Variants in KCTD3 observed in about 807,000 individuals in gnomAD.
KCTD3 encodes potassium channel tetramerization domain containing 3.
KCTD3 carries 41 observed loss-of-function variants against 85.8 expected under a neutral mutation model. That is an observed-to-expected ratio of 0.48 (90% confidence interval 0.37 to 0.62). KCTD3 has a LOEUF of 0.62. Among genes scored for constraint, KCTD3 ranks in the 20% least tolerant of loss-of-function variants. KCTD3 has a pLI of 0.00. For missense variants in KCTD3, 724 were observed against 989.9 expected, an observed-to-expected ratio of 0.73 and a Z score of 3.60; for synonymous variants, 338 against 345.4, an observed-to-expected ratio of 0.98 and a Z score of 0.24.
chr1:215,610,684 A>G (rs541964086), intron 14 of KCTD3, among the ~76,000 whole-genome samples: 9 of 152,002 alleles, frequency 5.9e-5, no homozygotes, highest in Non-Finnish European at 1.0e-4. Flanking sequence ...TAATATACTG[A>G]AGAGCCAGAC....
intron 15 of KCTD3, among the ~76,000 whole-genome samples, chr1:215,614,032 T>TTTG (rs1558245484): frequency 1.5e-5 from 2 of 137,774 alleles, no homozygotes; most frequent in African/African-American, 5.6e-5. Context: ...TTTTTTTTTT[T>TTTG]TTTTTTTTTT....
intron 12 of KCTD3, 109 bp from the exon 13 acceptor site, chr1:215,604,023 T>C: frequency 1.3e-6 from 1 of 775,304 alleles, no homozygotes; most frequent in Admixed American, 2.9e-5. Flanking sequence ...GGGGCTGATA[T>C]AAACAGTGAA....
chr1:215,583,580 A>C (rs1362744467), intron 8 of KCTD3, among the ~76,000 whole-genome samples: 1 of 152,104 alleles, frequency 6.6e-6, no homozygotes, highest in Non-Finnish European at 1.5e-5. Context: ...AAGAATGCCT[A>C]ACCTCCTGGG....
chr1:215,574,219 A>G, intron 3 of KCTD3, 101 bp downstream of exon 3: 2 of 655,664 alleles, frequency 3.1e-6, no homozygotes, highest in South Asian at 3.0e-5. Context: ...TGATATTTTA[A>G]TAATCACTGA....
intron 9 of KCTD3, among the ~76,000 whole-genome samples, chr1:215,590,840 A>G (rs1354677388): frequency 6.6e-6 from 1 of 152,142 alleles, no homozygotes; most frequent in Non-Finnish European, 1.5e-5. Flanking sequence ...TCACATGTCT[A>G]GAGAGTTTTG....
chr1:215,574,192 T>C, intron 3 of KCTD3, 74 bp downstream of exon 3: 1 of 841,682 alleles, frequency 1.2e-6, no homozygotes, highest in Non-Finnish European at 1.9e-6. Flanking sequence ...ATAGTTACTC[T>C]AAGAATATAG....
intron 10 of KCTD3, 33 bp from the exon 11 acceptor site, chr1:215,601,834 A>C (rs113220069): frequency 8.4e-7 from 1 of 1,193,284 alleles, no homozygotes; most frequent in African/African-American, 1.5e-5. Flanking sequence ...TATAATTACT[A>C]TCTAACATCT....
intron 4 of KCTD3, 111 bp downstream of exon 4, chr1:215,576,085 C>T: frequency 3.1e-6 from 2 of 650,864 alleles, no homozygotes; most frequent in Non-Finnish European, 2.6e-6. Flanking sequence ...CCTTGAGTTG[C>T]AGTCTTGCTC....
chr1:215,567,958 G>T (rs1296195866), intron 1 of KCTD3, among the ~76,000 whole-genome samples, 190 bp downstream of exon 1: 1 of 152,202 alleles, frequency 6.6e-6, no homozygotes, highest in Non-Finnish European at 1.5e-5. Context: ...GCTCTGGGAA[G>T]GGAGAGGCAG....
intron 8 of KCTD3, among the ~76,000 whole-genome samples, chr1:215,584,967 T>C (rs1659953656): frequency 6.6e-6 from 1 of 152,198 alleles, no homozygotes; most frequent in Non-Finnish European, 1.5e-5. Context: ...AAAAGTGTTC[T>C]TGACTCCAAA....
intron 8 of KCTD3, chr1:215,581,018 T>A (rs1348335869): frequency 4.4e-6 from 2 of 452,560 alleles, no homozygotes; most frequent in Non-Finnish European, 9.0e-6. Context: ...TCCCAGCACT[T>A]TGGGAGGCCG....
At position 215,611,734 on chromosome 1, in the gene KCTD3, CT is replaced by C. The variant is rs1655241377; in HGVS notation, c.1466-87del. 4.1e-5 allele frequency: 33 copies of C among 796,438 alleles called. 1 individual carries two copies. In the South Asian group the frequency reaches 6.2e-4, roughly 15 times the overall value. The allele number at this position is 796,438 out of a possible 1,614,324, so 49.3% of individuals were successfully genotyped here. A position where few individuals can be genotyped will look rare whatever the true frequency, so the allele number is the denominator to read the frequency against. On this transcript the variant is annotated intron_variant, in intron 14 of 17. Coordinates refer to ENST00000259154, the MANE Select transcript of KCTD3 (RefSeq NM_016121.5). The stretch of plus-strand genomic sequence containing the variant: ...ACCATATTGGTACGTATAAGAAATT[CT>C]TTTCTTATATTAATATTAATGTTCC...
chr1:215,574,751 C>G (rs953176186), intron 3 of KCTD3, among the ~76,000 whole-genome samples: 2 of 152,076 alleles, frequency 1.3e-5, no homozygotes, highest in African/African-American at 4.8e-5. Context: ...TTGATGTGCT[C>G]TAATGAAAAC....
chr1:215,609,540 T>G (rs1655154211), intron 14 of KCTD3, among the ~76,000 whole-genome samples: 1 of 151,880 alleles, frequency 6.6e-6, no homozygotes, highest in Admixed American at 6.6e-5. Flanking sequence ...AGATTTGTGA[T>G]ATATATAATT....
intron 1 of KCTD3, among the ~76,000 whole-genome samples, chr1:215,569,966 T>C (rs937328711): frequency 6.6e-6 from 1 of 152,196 alleles, no homozygotes; most frequent in Non-Finnish European, 1.5e-5. Flanking sequence ...TCCGACTCCA[T>C]ATTCTAAGAA....
intron 9 of KCTD3, among the ~76,000 whole-genome samples, chr1:215,592,977 T>C (rs919768147): frequency 5.9e-5 from 9 of 152,228 alleles, no homozygotes; most frequent in African/African-American, 9.7e-5. Flanking sequence ...AGAGTGTCTT[T>C]GTTGATTTCC....
At chr1:215,583,320 C>G (rs188622071) in intron 8 of KCTD3, among the ~76,000 whole-genome samples, 2 of 152,128 alleles carry the variant, frequency 1.3e-5, no homozygotes, top group African/African-American at 2.4e-5. Context: ...TGTTCCTCCC[C>G]TTTTTAGACC....
chr1:215,578,478 C>A lies in KCTD3; in HGVS notation c.397+397C>A, dbSNP rs114191479. Among the ~76,000 whole-genome samples, 1,011 of 152,176 alleles carry A rather than the reference C, an allele frequency of 6.6e-3. 9 individuals are homozygous for A. The highest frequency in any genetic ancestry group is 0.014 in the Middle Eastern group (4 of 294). On this transcript the variant is annotated intron_variant, in intron 6 of 17. Coordinates refer to ENST00000259154, the MANE Select transcript of KCTD3 (RefSeq NM_016121.5). ...CACTGGTTGTCAAACTGCTTTTTTG[C>A]AAAATTTAAGGAATTCTGCAGAGAT...
chr1:215,578,390 A>C (rs536775483), intron 6 of KCTD3, among the ~76,000 whole-genome samples: 1 of 152,292 alleles, frequency 6.6e-6, no homozygotes, highest in African/African-American at 2.4e-5. Flanking sequence ...CTTTATTTAC[A>C]TAAATAGCAT....
Sources: gnomAD v4.1 joint callset for allele counts (sites outside exome capture counted in the v4.1 genomes callset) on GRCh38, gnomAD v4.1.1 for gene constraint, MANE v1.5 for transcripts, NCBI Gene and HGNC (gene_info 2026-07-23, HGNC 2026-07-21) for gene names.